The following RTP2 variants were observed in gnomAD, a reference collection of about 807,000 sequenced individuals.
RTP2 encodes receptor-transporting protein 2.
Under a neutral mutation model 17.9 loss-of-function variants are expected in RTP2, and 12 were observed. That is an observed-to-expected ratio of 0.67 (90% CI 0.43 to 1.09). RTP2 has a LOEUF of 1.09. RTP2 is among the 50% of genes least tolerant of loss of function. The pLI is 0.00. For missense variants in RTP2, 327 were observed against 295.7 expected, an observed-to-expected ratio of 1.11 and a Z score of -0.78; for synonymous variants, 126 against 117.7, an observed-to-expected ratio of 1.07 and a Z score of -0.46.
chr3:187,703,700 A>G (rs528508706), upstream of RTP2, among the ~76,000 whole-genome samples: 1 of 152,308 alleles, frequency 6.6e-6, no homozygotes, highest in Non-Finnish European at 1.5e-5. Context: ...AATGGCCAGG[A>G]ACTGAACGAA....
At chr3:187,701,234 G>T (rs965934391) in intron 1 of RTP2, among the ~76,000 whole-genome samples, 1 of 152,176 alleles carries the variant, frequency 6.6e-6, no homozygotes, top group Admixed American at 6.5e-5. Context: ...GACTTTAGAC[G>T]GCCTCGTCCC....
chr3:187,701,968 C>A (rs761219873), exon 1 of RTP2: 5 of 1,593,228 alleles, frequency 3.1e-6, no homozygotes, highest in Non-Finnish European at 3.4e-6. Context: ...CTCTCACCTG[C>A]CTGAGGCGTG....
the RTP2 span, among the ~76,000 whole-genome samples, chr3:187,712,054 T>A: frequency 6.6e-6 from 1 of 152,132 alleles, no homozygotes; most frequent in Non-Finnish European, 1.5e-5. Flanking sequence ...CTGCTGTATA[T>A]CTTGGTTGTG....
chr3:187,703,847 T>A (rs547362294), upstream of RTP2, among the ~76,000 whole-genome samples: 1 of 152,248 alleles, frequency 6.6e-6, no homozygotes, highest in East Asian at 1.9e-4. Context: ...GGTTTACCTG[T>A]ATTTTCTTTT....
At chr3:187,699,078 G>T in intron 1 of RTP2, 67 bp from the exon 2 acceptor site, 2 of 1,485,614 alleles carry the variant, frequency 1.3e-6, no homozygotes, top group Non-Finnish European at 1.8e-6. Flanking sequence ...GAGAAGCTCT[G>T]AGAGGGAAAA....
chr3:187,698,263 G>A (rs1311441649), exon 2 of RTP2: 2 of 506,370 alleles, frequency 3.9e-6, no homozygotes, highest in Non-Finnish European at 7.0e-6. Flanking sequence ...ATCCTGGCAA[G>A]CTCTAAAACC....
At chr3:187,713,884 A>G in the RTP2 span, among the ~76,000 whole-genome samples, 1 of 152,186 alleles carries the variant, frequency 6.6e-6, no homozygotes, top group Non-Finnish European at 1.5e-5. Context: ...AAACCAGTGC[A>G]AATTGGCCTT....
chr3:187,704,671 C>A (rs915775582), upstream of RTP2, among the ~76,000 whole-genome samples: 1 of 152,166 alleles, frequency 6.6e-6, no homozygotes, highest in African/African-American at 2.4e-5. Flanking sequence ...CCTGTGTCTC[C>A]GCAATTCAAA....
chr3:187,713,684 A>G, the RTP2 span, among the ~76,000 whole-genome samples: 2 of 152,136 alleles, frequency 1.3e-5, no homozygotes, highest in African/African-American at 4.8e-5. Context: ...CACCCTATGC[A>G]AGTGAAGACT....
exon 2 of RTP2, chr3:187,698,404 C>A (rs916925038): frequency 3.5e-6 from 4 of 1,140,594 alleles, no homozygotes; most frequent in Non-Finnish European, 4.9e-6. Context: ...CCGGATTGTC[C>A]AGTCATATGT....
the RTP2 span, among the ~76,000 whole-genome samples, chr3:187,708,365 C>G: frequency 2.0e-5 from 3 of 152,188 alleles, no homozygotes; most frequent in Non-Finnish European, 4.4e-5. Flanking sequence ...AAAGTAGAAA[C>G]TGCTGGTGCC....
chr3:187,699,129 T>A, intron 1 of RTP2, 118 bp from the exon 2 acceptor site: 1 of 1,221,766 alleles, frequency 8.2e-7, no homozygotes, highest in Non-Finnish European at 1.1e-6. Flanking sequence ...AGGCAGTGTT[T>A]ACTGCCCTGT....
the RTP2 span, among the ~76,000 whole-genome samples, chr3:187,707,750 G>A: frequency 6.6e-6 from 1 of 152,184 alleles, no homozygotes; most frequent in Non-Finnish European, 1.5e-5. Flanking sequence ...TCAACAATGT[G>A]CTATTTAAAC....
At chr3:187,706,322 T>C (rs1387946364), upstream of RTP2, among the ~76,000 whole-genome samples, 2 of 152,134 alleles carry the variant, frequency 1.3e-5, no homozygotes, top group Non-Finnish European at 2.9e-5. Flanking sequence ...CTCAGTAAAT[T>C]TGAGCTTTCT....
exon 2 of RTP2, chr3:187,698,905 C>A (rs767403644): frequency 1.2e-6 from 2 of 1,611,040 alleles, no homozygotes; most frequent in South Asian, 1.1e-5. Flanking sequence ...TGCTTGAAGA[C>A]GCGCATGCGC....
At chr3:187,701,036 A>T (rs1181697209) in intron 1 of RTP2, among the ~76,000 whole-genome samples, 1 of 152,218 alleles carries the variant, frequency 6.6e-6, no homozygotes, top group East Asian at 1.9e-4. Context: ...CATACACGTG[A>T]ACAACCCAGC....
At chr3:187,701,201 T>C (rs1028686030) in intron 1 of RTP2, among the ~76,000 whole-genome samples, 4 of 152,166 alleles carry the variant, frequency 2.6e-5, no homozygotes, top group African/African-American at 9.7e-5. Flanking sequence ...CCAATCATGA[T>C]CTAAAAGGAG....
chr3:187,715,015 C>T, the RTP2 span, among the ~76,000 whole-genome samples: 1 of 152,030 alleles, frequency 6.6e-6, no homozygotes, highest in South Asian at 2.1e-4. Flanking sequence ...CAACTTGGTC[C>T]CTGGAGTGCA....
chr3:187,707,966 A>G, the RTP2 span, among the ~76,000 whole-genome samples: 9 of 152,226 alleles, frequency 5.9e-5, no homozygotes, highest in African/African-American at 2.2e-4. Context: ...TACACTCCCA[A>G]TTGAAACCTA....
Sources: gnomAD v4.1 joint callset for allele counts (sites outside exome capture counted in the v4.1 genomes callset) on GRCh38, gnomAD v4.1.1 for gene constraint, MANE v1.5 for transcripts, NCBI Gene and HGNC (gene_info 2026-07-23, HGNC 2026-07-21) for gene names.